GALNT7: variants seen among roughly 807,000 people sequenced by gnomAD.
GALNT7 encodes the protein N-acetylgalactosaminyltransferase 7.
In GALNT7, 60 loss-of-function variants were observed where a neutral mutation model predicts 82.1. The observed-to-expected ratio is 0.73, with a 90% CI of 0.59 to 0.91. The LOEUF (loss-of-function observed/expected upper bound fraction) is 0.91, where lower values mean the gene tolerates loss of function less well. GALNT7 is among the 40% of genes least tolerant of loss of function. The pLI, the probability that GALNT7 is intolerant of heterozygous loss-of-function variation, is 0.00. For synonymous variants in GALNT7, 243 were observed against 275.1 expected, an observed-to-expected ratio of 0.88 and a Z score of 1.15; for missense variants, 660 against 804.2, an observed-to-expected ratio of 0.82 and a Z score of 2.17.
intron 1 of GALNT7, among the ~76,000 whole-genome samples, chr4:173,230,824 G>T (rs965799391): frequency 1.4e-4 from 21 of 152,064 alleles, no homozygotes; most frequent in African/African-American, 4.8e-4. Context: ...GCATGTCCTG[G>T]GAAATATAGT....
intron 1 of GALNT7, among the ~76,000 whole-genome samples, chr4:173,239,758 A>G (rs1012557548): frequency 2.0e-5 from 3 of 152,218 alleles, no homozygotes; most frequent in African/African-American, 7.2e-5. Context: ...TTCCAGTAAT[A>G]ATTTTAACTT....
At chr4:173,304,373 T>G (rs1737067307) in intron 8 of GALNT7, among the ~76,000 whole-genome samples, 1 of 151,858 alleles carries the variant, frequency 6.6e-6, no homozygotes, top group Non-Finnish European at 1.5e-5. Flanking sequence ...CACTCCCCGC[T>G]GGATGACAGA....
intron 1 of GALNT7, among the ~76,000 whole-genome samples, chr4:173,235,556 C>CT (rs11421248): frequency 0.86 from 120,815 of 140,790 alleles, 53,822 homozygotes; most frequent in Non-Finnish European, 0.98. Flanking sequence ...CTTTTCTTTT[C>CT]TTTTTTTTTT....
intron 1 of GALNT7, among the ~76,000 whole-genome samples, chr4:173,184,317 C>T (rs1009374204): frequency 6.6e-6 from 1 of 152,118 alleles, no homozygotes; most frequent in African/African-American, 2.4e-5. Context: ...ACATTGAGCA[C>T]TGAGTGAGCG....
chr4:173,208,908 TTA>T (rs1399717462), intron 1 of GALNT7, among the ~76,000 whole-genome samples: 1 of 152,252 alleles, frequency 6.6e-6, no homozygotes, highest in African/African-American at 2.4e-5. Context: ...CAATTTAAGA[TTA>T]TGTTTTCTTT....
chr4:173,312,392 C>T (rs1737418628), intron 8 of GALNT7, among the ~76,000 whole-genome samples: 1 of 152,220 alleles, frequency 6.6e-6, no homozygotes, highest in African/African-American at 2.4e-5. Flanking sequence ...GAGATCATCA[C>T]ATGGCGAGAG....
At chr4:173,190,308 G>A (rs1732589104) in intron 1 of GALNT7, among the ~76,000 whole-genome samples, 2 of 152,190 alleles carry the variant, frequency 1.3e-5, no homozygotes, top group African/African-American at 4.8e-5. Context: ...GTCACTTTCA[G>A]TATCTTTATT....
At chr4:173,305,094 T>C (rs1737100846) in intron 8 of GALNT7, among the ~76,000 whole-genome samples, 1 of 152,174 alleles carries the variant, frequency 6.6e-6, no homozygotes, top group African/African-American at 2.4e-5. Context: ...GAGGAACCTC[T>C]GTACTGTTTT....
chr4:173,249,293 C>G (rs1010426792), intron 2 of GALNT7, among the ~76,000 whole-genome samples: 9 of 152,142 alleles, frequency 5.9e-5, no homozygotes, highest in Non-Finnish European at 1.3e-4. Context: ...GCTCACACTC[C>G]CATACCTGTT....
intron 1 of GALNT7, among the ~76,000 whole-genome samples, chr4:173,203,533 T>A (rs981007980): frequency 6.6e-6 from 1 of 152,234 alleles, no homozygotes; most frequent in Non-Finnish European, 1.5e-5. Context: ...TATAAATCCT[T>A]CATTCTGCTC....
intron 1 of GALNT7, among the ~76,000 whole-genome samples, chr4:173,218,647 C>A (rs984283295): frequency 1.3e-5 from 2 of 152,154 alleles, no homozygotes; most frequent in African/African-American, 2.4e-5. Flanking sequence ...TTGCTATTCA[C>A]ATTGTGTTGA....
chr4:173,224,494 G>A (rs952571012), intron 1 of GALNT7, among the ~76,000 whole-genome samples: 5 of 152,090 alleles, frequency 3.3e-5, no homozygotes, highest in Admixed American at 1.3e-4. Context: ...CTTTTCAGTG[G>A]ACAGTGCAAG....
chr4:173,258,937 G>A (rs750465083), intron 2 of GALNT7, among the ~76,000 whole-genome samples: 6 of 152,134 alleles, frequency 3.9e-5, no homozygotes, highest in Admixed American at 6.5e-5. Context: ...TCACAATCTC[G>A]GCACTTGACA....
chr4:173,208,259 C>T (rs951308129), intron 1 of GALNT7, among the ~76,000 whole-genome samples: 3 of 152,024 alleles, frequency 2.0e-5, no homozygotes, highest in Non-Finnish European at 2.9e-5. Context: ...TTCTACCTAA[C>T]AGCATTAGAA....
chr4:173,297,942 A>G, intron 5 of GALNT7, 173 bp from the exon 6 acceptor site: 14 of 1,479,764 alleles, frequency 9.5e-6, no homozygotes, highest in Non-Finnish European at 1.2e-5. Context: ...GCCACAAGGA[A>G]AAGGCCAAAA....
At chr4:173,178,962 G>A (rs1241801957) in intron 1 of GALNT7, among the ~76,000 whole-genome samples, 4 of 152,058 alleles carry the variant, frequency 2.6e-5, no homozygotes, top group Non-Finnish European at 4.4e-5. Flanking sequence ...CAATTCCCTG[G>A]GTTTAGGAAT....
chr4:173,174,925 A>G (rs1358905862), intron 1 of GALNT7, among the ~76,000 whole-genome samples: 1 of 152,230 alleles, frequency 6.6e-6, no homozygotes, highest in Non-Finnish European at 1.5e-5. Context: ...CGTGTGAGAT[A>G]CGATTTGGGT....
At chr4:173,184,199 C>T (rs1167091885) in intron 1 of GALNT7, among the ~76,000 whole-genome samples, 1 of 151,940 alleles carries the variant, frequency 6.6e-6, no homozygotes, top group Non-Finnish European at 1.5e-5. Context: ...GACGGGGTGG[C>T]GGCCGGGCAG....
intron 1 of GALNT7, among the ~76,000 whole-genome samples, chr4:173,233,988 A>G (rs1274396934): frequency 1.3e-5 from 2 of 151,472 alleles, no homozygotes; most frequent in African/African-American, 4.9e-5. Flanking sequence ...ACTTCCACTC[A>G]CTCCAGTTGG....
Sources: allele counts gnomAD v4.1 joint callset (sites outside exome capture counted in the v4.1 genomes callset), GRCh38; gene constraint gnomAD v4.1.1; transcripts MANE v1.5; gene names NCBI Gene and HGNC (gene_info 2026-07-23, HGNC 2026-07-21).